EDA: variants seen among roughly 807,000 people sequenced by gnomAD.
The protein encoded by EDA is ectodysplasin-A.
A neutral mutation model predicts 23.6 loss-of-function variants in EDA; 2 were observed. That is an observed-to-expected ratio of 0.08 (90% CI 0.03 to 0.27). The LOEUF is 0.27. Ranked by LOEUF, EDA falls within the 10% of genes least tolerant of loss-of-function variation. The probability of loss-of-function intolerance (pLI) is 1.00; values close to 1 mark genes in which losing one functional copy is unlikely to be tolerated. For synonymous variants in EDA, 131 were observed against 132.0 expected (o/e 0.99, Z 0.05); for missense variants, 229 against 324.2 (o/e 0.71, Z 2.26).
chrX:69,672,346 T>C (rs1445825523), intron 1 of EDA: 1 of 112,290 alleles, frequency 8.9e-6, no homozygotes, highest in East Asian at 2.8e-4. Flanking sequence ...CTGCTGTGTA[T>C]GAGCCCCAAA....
intron 1 of EDA, chrX:69,617,870 G>A (rs1010812964): frequency 8.2e-6 from 2 of 243,733 alleles, no homozygotes; most frequent in East Asian, 1.1e-4. Context: ...AAAGTGGTAC[G>A]CTTGATAGAG....
chrX:69,925,513 G>A (rs1037956283), intron 1 of EDA, among the ~76,000 whole-genome samples: 1 of 111,446 alleles, frequency 9.0e-6, no homozygotes, highest in East Asian at 2.8e-4. Context: ...ACTTGATCTT[G>A]GTGGATAAGT....
At chrX:69,769,236 G>C (rs750934087) in intron 1 of EDA, among the ~76,000 whole-genome samples, 1 of 111,441 alleles carries the variant, frequency 9.0e-6, no homozygotes, top group African/African-American at 3.3e-5. Flanking sequence ...CTGATTTTCT[G>C]TCTACTTATT....
intron 2 of EDA, among the ~76,000 whole-genome samples, chrX:69,983,664 G>A (rs1473292697): frequency 3.4e-5 from 2 of 59,079 alleles, no homozygotes; most frequent in Non-Finnish European, 3.0e-5. Context: ...AGGGTAACCC[G>A]ACGTTTCTCT....
At chrX:69,785,838 C>G (rs1361141583) in intron 1 of EDA, among the ~76,000 whole-genome samples, 3 of 107,400 alleles carry the variant, frequency 2.8e-5, no homozygotes, top group African/African-American at 1.0e-4. Flanking sequence ...CCCTCTTTTT[C>G]TATTGATTGG....
chrX:69,758,952 T>C (rs2014214112), intron 1 of EDA, among the ~76,000 whole-genome samples: 1 of 112,667 alleles, frequency 8.9e-6, no homozygotes. Context: ...TTGGGTTATA[T>C]CTGATTCCTG....
chrX:69,725,566 C>T (rs896680944), intron 1 of EDA, among the ~76,000 whole-genome samples: 8 of 112,171 alleles, frequency 7.1e-5, no homozygotes, highest in Admixed American at 9.5e-5. Flanking sequence ...TGTTTGTGGT[C>T]CTACCCCTAT....
intron 2 of EDA, among the ~76,000 whole-genome samples, chrX:69,981,962 T>C (rs1022253887): frequency 9.0e-6 from 1 of 111,395 alleles, no homozygotes; most frequent in Non-Finnish European, 1.9e-5. Flanking sequence ...ATCAGCCTGG[T>C]GCTAGTAATG....
chrX:69,966,965 T>G (rs929231934), intron 2 of EDA, among the ~76,000 whole-genome samples: 6 of 108,660 alleles, frequency 5.5e-5, no homozygotes, highest in East Asian at 2.8e-4. Context: ...ATATTATAGG[T>G]GTGTGTGTGT....
intron 1 of EDA, among the ~76,000 whole-genome samples, chrX:69,810,756 CA>C (rs55802103): frequency 0.25 from 21,005 of 85,160 alleles, 2,026 homozygotes; most frequent in African/African-American, 0.32. Context: ...GACTCCATCT[CA>C]AAAAAAAAAA....
At chrX:70,029,656 T>G in intron 5 of EDA, 118 bp downstream of exon 5, 1 of 787,669 alleles carries the variant, frequency 1.3e-6, no homozygotes, top group Non-Finnish European at 1.9e-6. Flanking sequence ...ACCCCGGAGA[T>G]TCTGACGGTT....
At chrX:70,033,316 G>C (rs1343882635) in intron 6 of EDA, 82 bp from the exon 7 acceptor site, 1 of 1,172,600 alleles carries the variant, frequency 8.5e-7, no homozygotes, top group Non-Finnish European at 1.2e-6. Flanking sequence ...AGGGGTGGGG[G>C]TTGTGAACTC....
At chrX:69,843,292 G>C (rs1337945348) in intron 1 of EDA, among the ~76,000 whole-genome samples, 1 of 111,804 alleles carries the variant, frequency 8.9e-6, no homozygotes, top group Non-Finnish European at 1.9e-5. Flanking sequence ...GATACATACA[G>C]ATAATGAAAT....
intron 1 of EDA, among the ~76,000 whole-genome samples, chrX:69,813,211 C>T (rs745699380): frequency 8.9e-6 from 1 of 111,752 alleles, no homozygotes; most frequent in Non-Finnish European, 1.9e-5. Flanking sequence ...TGAGCCTTGC[C>T]AGCCAGTCTT....
chrX:69,933,551 C>T (rs1164234986), intron 1 of EDA, among the ~76,000 whole-genome samples: 1 of 110,675 alleles, frequency 9.0e-6, no homozygotes, highest in Admixed American at 9.6e-5. Flanking sequence ...TATGGTGGTG[C>T]CTGTAATCCC....
intron 1 of EDA, among the ~76,000 whole-genome samples, chrX:69,782,361 G>A (rs2014971546): frequency 1.8e-5 from 1 of 55,834 alleles, no homozygotes; most frequent in Non-Finnish European, 3.2e-5. Flanking sequence ...AACATTAAAT[G>A]CTCTTAAAAA....
At chrX:69,882,597 C>T (rs1436038718) in intron 1 of EDA, among the ~76,000 whole-genome samples, 1 of 111,911 alleles carries the variant, frequency 8.9e-6, no homozygotes, top group Non-Finnish European at 1.9e-5. Flanking sequence ...ATAGAAACAG[C>T]CCCTGTCTAT....
intron 1 of EDA, among the ~76,000 whole-genome samples, chrX:69,909,972 G>T (rs1321150321): frequency 1.8e-5 from 2 of 111,388 alleles, no homozygotes; most frequent in Admixed American, 9.5e-5. Flanking sequence ...TGATGATAAT[G>T]AACTCATAAA....
chrX:69,838,683 G>T lies in EDA; in HGVS notation c.397-118344G>T, dbSNP rs770280734. Reference sequence around the variant, plus strand: ...TGGAATTCATGCAGGTCTGGGTCCTGCTACAGCACATTTCAACAGCGTTAT... The same window carrying T: ...TGGAATTCATGCAGGTCTGGGTCCTTCTACAGCACATTTCAACAGCGTTAT... On this transcript the variant is annotated intron_variant, in intron 1 of 7. Transcript: ENST00000374552. Among the ~76,000 whole-genome samples, 10 of 112,633 alleles carry T rather than the reference G, an allele frequency of 8.9e-5. No individual in the cohort carries two copies. The South Asian group carries it at 3.7e-3, about 42-fold the overall frequency.
Sources: allele counts gnomAD v4.1 joint callset (sites outside exome capture counted in the v4.1 genomes callset), GRCh38; gene constraint gnomAD v4.1.1; transcripts MANE v1.5; gene names NCBI Gene and HGNC (gene_info 2026-07-23, HGNC 2026-07-21).